The following ETFA variants were observed in gnomAD, a reference collection of about 807,000 sequenced individuals.
ETFA encodes electron transfer flavoprotein subunit alpha.
ETFA carries 22 observed loss-of-function variants against 46.2 expected under a neutral mutation model. That is an observed-to-expected ratio of 0.48 (90% CI 0.34 to 0.68). The LOEUF (loss-of-function observed/expected upper bound fraction) is 0.68. Among genes scored for constraint, ETFA ranks in the 30% least tolerant of loss-of-function variants. ETFA has a pLI of 0.01. For missense variants in ETFA, 345 were observed against 401.1 expected, an observed-to-expected ratio of 0.86 and a Z score of 1.19; for synonymous variants, 131 against 139.9, an observed-to-expected ratio of 0.94 and a Z score of 0.45.
chr15:76,310,753 C>A (rs906956116), intron 1 of ETFA, among the ~76,000 whole-genome samples: 13 of 152,188 alleles, frequency 8.5e-5, no homozygotes, highest in Admixed American at 2.6e-4. Flanking sequence ...CAAATCGGAT[C>A]GCAGGTTTTA....
At chr15:76,302,383 G>GAA (rs36097351) in intron 1 of ETFA, among the ~76,000 whole-genome samples, 2,287 of 149,406 alleles carry the variant, frequency 0.015, 50 homozygotes, top group East Asian at 0.049. Flanking sequence ...ATTACTTAGT[G>GAA]AAAAAAAAAA....
chr15:76,256,536 C>T (rs2039347544), intron 9 of ETFA, among the ~76,000 whole-genome samples: 1 of 152,130 alleles, frequency 6.6e-6, no homozygotes, highest in Non-Finnish European at 1.5e-5. Context: ...AATAAAGTGA[C>T]CTCATCAATT....
rs113632387 is a variant in ETFA, at chr15:76,298,974, C to T, written c.40-3237G>A. 4.2e-3 allele frequency among the ~76,000 whole-genome samples: 634 copies of T among 152,066 alleles called. 1 individual carries two copies. The highest frequency in any genetic ancestry group is 7.8e-3 in the Non-Finnish European group (527 of 67,984). On this transcript the variant is annotated intron_variant, in intron 1 of 11. Transcript: ENST00000557943. ...AATTTTCATTTTATTATTTTATAAC[C>T]CATTGCCTCTCTACACTTTAGGATC...
chr15:76,253,143 A>G (rs1443583120), intron 9 of ETFA, among the ~76,000 whole-genome samples: 1 of 152,142 alleles, frequency 6.6e-6, no homozygotes, highest in Non-Finnish European at 1.5e-5. Flanking sequence ...AATAAAGAGG[A>G]GAAGAAGTCT....
chr15:76,258,721 G>A (rs1035942742), intron 9 of ETFA, among the ~76,000 whole-genome samples: 13 of 152,334 alleles, frequency 8.5e-5, no homozygotes, highest in African/African-American at 3.1e-4. Flanking sequence ...CTCTGCTCCT[G>A]CCAGCTGTCT....
Position 76,261,089 on chromosome 15 carries a change from G to A in ETFA, c.816+13323C>T, listed in dbSNP as rs557881137. On this transcript the variant is annotated intron_variant, in intron 9 of 11. Coordinates refer to ENST00000557943, the MANE Select transcript of ETFA (RefSeq NM_000126.4). ...GAGAAGAGGCCAGGCATTTTAGGCTGTGAACTTCACAGGAAAACATGGGTG... is the reference window on the plus strand; with the variant it reads ...GAGAAGAGGCCAGGCATTTTAGGCTATGAACTTCACAGGAAAACATGGGTG... 8.2e-4 allele frequency: 1,242 copies of A among 1,522,162 alleles called. 2 individuals carry two copies. Among genetic ancestry groups the A allele is most frequent in the Non-Finnish European group, 1.1e-3 (1,170 of 1,098,856 alleles). 94.3% of individuals were successfully genotyped at this position (1,522,162 alleles called of 1,614,324 possible). A position where few individuals can be genotyped will look rare whatever the true frequency, so the allele number is the denominator to read the frequency against.
At chr15:76,235,644 G>C (rs528542134) in intron 9 of ETFA, among the ~76,000 whole-genome samples, 2 of 152,258 alleles carry the variant, frequency 1.3e-5, no homozygotes, top group East Asian at 3.9e-4. Context: ...CTGTCCTCAA[G>C]AAGCTCACAG....
At chr15:76,223,907 C>G (rs1040977879) in intron 11 of ETFA, among the ~76,000 whole-genome samples, 3 of 152,240 alleles carry the variant, frequency 2.0e-5, no homozygotes, top group Non-Finnish European at 4.4e-5. Flanking sequence ...AAATTTCCAA[C>G]TGCTTAACAG....
chr15:76,282,533 TGATA>T (rs898485115), intron 8 of ETFA, among the ~76,000 whole-genome samples: 1 of 152,196 alleles, frequency 6.6e-6, no homozygotes, highest in African/African-American at 2.4e-5. Flanking sequence ...GGCAGACACT[TGATA>T]AATACTTGTT....
chr15:76,285,993 C>T (rs2039701658), intron 6 of ETFA, among the ~76,000 whole-genome samples: 1 of 152,168 alleles, frequency 6.6e-6, no homozygotes, highest in Non-Finnish European at 1.5e-5. Flanking sequence ...AACTTTCTTT[C>T]TATGAGGTTC....
chr15:76,283,666 G>T, intron 8 of ETFA, 91 bp downstream of exon 8: 1 of 910,186 alleles, frequency 1.1e-6, no homozygotes. Flanking sequence ...ATAATTTGTA[G>T]GGCTGAAAGA....
chr15:76,220,233 AT>A (rs768556629), intron 11 of ETFA, among the ~76,000 whole-genome samples: 166 of 152,164 alleles, frequency 1.1e-3, no homozygotes, highest in Non-Finnish European at 2.1e-3. Flanking sequence ...TGCCTAGCTA[AT>A]TTTTGTATTT....
chr15:76,267,319 C>T (rs921102715), intron 9 of ETFA, among the ~76,000 whole-genome samples: 2 of 152,166 alleles, frequency 1.3e-5, no homozygotes, highest in South Asian at 2.1e-4. Context: ...AGCGAGGCTG[C>T]GCACAACAAA....
rs1007328057 is a variant in ETFA at position 76,259,911 on chromosome 15, G to C, written c.816+14501C>G. The C allele has an allele frequency of 3.2e-6, 4 of 1,257,984 alleles. No homozygotes were observed. The African/African-American group carries it at 4.4e-5, about 14-fold the overall frequency. 77.9% of individuals were successfully genotyped at this position (1,257,984 alleles called of 1,614,324 possible). On this transcript the variant is annotated intron_variant, in intron 9 of 11. Transcript: ENST00000557943. ...AAGGGCAAGATGACCACGGGGATGG[G>C]GTGACAGCCTTTAGCCCTGCTCCAG...
chr15:76,295,933 A>ATTCT (rs1371084716), intron 1 of ETFA, among the ~76,000 whole-genome samples, 196 bp from the exon 2 acceptor site: 1 of 58,512 alleles, frequency 1.7e-5, no homozygotes, highest in African/African-American at 5.2e-5. Context: ...TACCACTAAT[A>ATTCT]TTCTTTTTTT....
intron 11 of ETFA, chr15:76,217,526 A>G (rs553281784): frequency 2.4e-6 from 1 of 420,544 alleles, no homozygotes; most frequent in African/African-American, 2.0e-5. Context: ...ACAGTAAGAA[A>G]CCACAGCAAG....
intron 4 of ETFA, among the ~76,000 whole-genome samples, chr15:76,291,607 G>T (rs2141538743): frequency 6.6e-6 from 1 of 151,898 alleles, no homozygotes; most frequent in African/African-American, 2.4e-5. Context: ...AAAATTAGCC[G>T]GGCGAGCTGG....
At chr15:76,290,189 TAC>T (rs1412671576) in intron 4 of ETFA, among the ~76,000 whole-genome samples, 4 of 152,324 alleles carry the variant, frequency 2.6e-5, no homozygotes, top group East Asian at 1.9e-4. Flanking sequence ...AGCCCATGTT[TAC>T]ACAGATACAT....
chr15:76,243,070 G>T (rs974855212), intron 9 of ETFA, among the ~76,000 whole-genome samples: 1 of 152,172 alleles, frequency 6.6e-6, no homozygotes, highest in African/African-American at 2.4e-5. Context: ...GACAAGGTGG[G>T]TGGATCACTT....
Sources: allele counts gnomAD v4.1 joint callset (sites outside exome capture counted in the v4.1 genomes callset), GRCh38; gene constraint gnomAD v4.1.1; transcripts MANE v1.5; gene names NCBI Gene and HGNC (gene_info 2026-07-23, HGNC 2026-07-21).